The following NRXN1 variants were observed in gnomAD, a reference collection of about 807,000 sequenced individuals.
NRXN1 encodes neurexin-1.
In NRXN1, 39 loss-of-function variants were observed where a neutral mutation model predicts 150.9. The ratio of observed to expected loss-of-function variants is 0.26; its 90% CI spans 0.20 to 0.34. NRXN1 has a LOEUF of 0.34. NRXN1 is among the 10% of genes least tolerant of loss of function. The probability of loss-of-function intolerance (pLI) is 1.00; values close to 1 mark genes in which losing one functional copy is unlikely to be tolerated. For synonymous variants in NRXN1, 924 were observed against 757.0 expected, an observed-to-expected ratio of 1.22 and a Z score of -3.62; for missense variants, 1,815 against 1,949.9, an observed-to-expected ratio of 0.93 and a Z score of 1.30.
In NRXN1 at chr2:51,028,319, C is replaced by A; in HGVS notation, c.-46G>T. 1 of 1,311,858 alleles carries A rather than the reference C, an allele frequency of 7.6e-7. No homozygotes were observed. The highest frequency in any genetic ancestry group is 1.6e-5 in the South Asian group (1 of 60,696). The allele number at this position is 1,311,858 out of a possible 1,614,324, so 81.3% of individuals were successfully genotyped here. On this transcript the variant is annotated 5_prime_UTR_variant, in exon 2 of 23. Transcript: ENST00000401669. ...GGGGGGGTGCCGGGGCCGACAGGGT[C>A]AAAATGGTCCTGGACACCGTGACGA... is the stretch of plus-strand genomic sequence containing the variant.
At chr2:50,897,683 C>A (rs970062629) in intron 5 of NRXN1, among the ~76,000 whole-genome samples, 26 of 152,068 alleles carry the variant, frequency 1.7e-4, no homozygotes, top group African/African-American at 5.8e-4. Flanking sequence ...CTTGGTGATT[C>A]CAATTAAACA....
chr2:50,011,090 T>C (rs988165128), intron 21 of NRXN1, among the ~76,000 whole-genome samples: 2 of 152,140 alleles, frequency 1.3e-5, no homozygotes, highest in South Asian at 2.1e-4. Flanking sequence ...TAGAAGTAAA[T>C]AGCATTTATG....
chr2:50,423,404 G>T (rs2084155482), intron 17 of NRXN1, among the ~76,000 whole-genome samples: 2 of 152,182 alleles, frequency 1.3e-5, no homozygotes, highest in African/African-American at 2.4e-5. Flanking sequence ...GGTTTGATCT[G>T]CCAGGTTACC....
At chr2:50,186,637 A>ACC (rs2061090910) in intron 18 of NRXN1, among the ~76,000 whole-genome samples, 1 of 152,070 alleles carries the variant, frequency 6.6e-6, no homozygotes, top group South Asian at 2.1e-4. Context: ...CTTGACAGTA[A>ACC]GAAGCTCAGA....
chr2:49,963,862 G>A (rs961867487), intron 21 of NRXN1, among the ~76,000 whole-genome samples: 2 of 152,154 alleles, frequency 1.3e-5, no homozygotes, highest in Admixed American at 6.5e-5. Flanking sequence ...ATAGTGGGAG[G>A]AATTATTATA....
intron 12 of NRXN1, among the ~76,000 whole-genome samples, chr2:50,512,477 G>A (rs1205067401): frequency 6.6e-6 from 1 of 152,058 alleles, no homozygotes; most frequent in Non-Finnish European, 1.5e-5. Flanking sequence ...AATTATATTT[G>A]AAAGTACTGA....
intron 5 of NRXN1, among the ~76,000 whole-genome samples, chr2:50,753,494 C>T (rs995290014): frequency 2.0e-5 from 3 of 151,886 alleles, no homozygotes; most frequent in South Asian, 4.1e-4. Flanking sequence ...CTCCCATGCA[C>T]GGTTGATTTT....
chr2:49,935,520 T>C (rs1057460940), intron 22 of NRXN1, among the ~76,000 whole-genome samples: 2 of 152,158 alleles, frequency 1.3e-5, no homozygotes, highest in African/African-American at 4.8e-5. Flanking sequence ...TGTTTATGAG[T>C]AAGGAGTAAC....
chr2:50,501,205 T>C (rs2091920533), intron 13 of NRXN1, among the ~76,000 whole-genome samples: 1 of 152,094 alleles, frequency 6.6e-6, no homozygotes, highest in Non-Finnish European at 1.5e-5. Context: ...GGGAGACGGA[T>C]GAAGGAAGGC....
At chr2:50,416,488 T>C (rs2083549144) in intron 17 of NRXN1, among the ~76,000 whole-genome samples, 1 of 152,096 alleles carries the variant, frequency 6.6e-6, no homozygotes, top group Admixed American at 6.6e-5. Flanking sequence ...AATTTCTATT[T>C]CCTTCTATTT....
At chr2:50,768,250 A>T (rs1194192992) in intron 5 of NRXN1, among the ~76,000 whole-genome samples, 1 of 152,058 alleles carries the variant, frequency 6.6e-6, no homozygotes, top group Non-Finnish European at 1.5e-5. Flanking sequence ...GGGATATTTT[A>T]ATGAAAAGGG....
chr2:50,300,458 C>T (rs1014658633), intron 17 of NRXN1, among the ~76,000 whole-genome samples: 3 of 152,170 alleles, frequency 2.0e-5, no homozygotes, highest in African/African-American at 7.2e-5. Context: ...TTATCTGTGG[C>T]AGAGACTTAA....
At chr2:50,242,526 T>C (rs1388142819) in intron 17 of NRXN1, among the ~76,000 whole-genome samples, 1 of 151,818 alleles carries the variant, frequency 6.6e-6, no homozygotes, top group East Asian at 1.9e-4. Context: ...AAATTTCATA[T>C]AGGCATATTA....
intron 5 of NRXN1, among the ~76,000 whole-genome samples, chr2:50,769,183 C>T (rs1295947330): frequency 6.6e-6 from 1 of 152,022 alleles, no homozygotes; most frequent in Non-Finnish European, 1.5e-5. Flanking sequence ...GTCCTCCCTA[C>T]CACTCAGATA....
intron 15 of NRXN1, among the ~76,000 whole-genome samples, chr2:50,476,676 G>C (rs2090015409): frequency 6.6e-6 from 1 of 152,116 alleles, no homozygotes; most frequent in East Asian, 1.9e-4. Flanking sequence ...CACAACTGGA[G>C]TGACAACATG....
intron 17 of NRXN1, among the ~76,000 whole-genome samples, chr2:50,410,015 C>A (rs1403120434): frequency 6.6e-6 from 1 of 152,226 alleles, no homozygotes; most frequent in East Asian, 1.9e-4. Flanking sequence ...CCTACGTGAA[C>A]CCTTTACTCC....
intron 17 of NRXN1, among the ~76,000 whole-genome samples, chr2:50,307,695 A>T (rs944226757): frequency 3.9e-5 from 6 of 152,128 alleles, no homozygotes; most frequent in African/African-American, 9.7e-5. Flanking sequence ...GACTATTTTC[A>T]TGACTCCTGA....
chr2:51,012,668 T>C (rs1489983434), intron 2 of NRXN1, among the ~76,000 whole-genome samples: 1 of 152,024 alleles, frequency 6.6e-6, no homozygotes, highest in Non-Finnish European at 1.5e-5. Context: ...AGACCTAACA[T>C]CTCACCTCCT....
At chr2:50,945,041 C>T (rs1412464963) in intron 2 of NRXN1, among the ~76,000 whole-genome samples, 1 of 152,160 alleles carries the variant, frequency 6.6e-6, no homozygotes, top group East Asian at 1.9e-4. Flanking sequence ...TACTTCAGAC[C>T]ATGATCTAGA....
Sources: allele counts gnomAD v4.1 joint callset (sites outside exome capture counted in the v4.1 genomes callset), GRCh38; gene constraint gnomAD v4.1.1; transcripts MANE v1.5; gene names NCBI Gene and HGNC (gene_info 2026-07-23, HGNC 2026-07-21).